The following ANKRD44 variants were observed in gnomAD, a reference collection of about 807,000 sequenced individuals.
The protein encoded by ANKRD44 is serine/threonine-protein phosphatase 6 regulatory ankyrin repeat subunit B.
ANKRD44 carries 35 observed loss-of-function variants against 116.0 expected under a neutral mutation model. The ratio of observed to expected loss-of-function variants is 0.30; its 90% CI spans 0.23 to 0.40. The LOEUF (loss-of-function observed/expected upper bound fraction) is 0.40. Among genes scored for constraint, ANKRD44 ranks in the 10% least tolerant of loss-of-function variants. ANKRD44 has a pLI of 1.00. For synonymous variants in ANKRD44, 435 were observed against 461.8 expected (o/e 0.94, Z 0.74); for missense variants, 1,014 against 1,242.6 (o/e 0.82, Z 2.77).
chr2:197,211,624 A>C (rs890602498), intron 1 of ANKRD44, among the ~76,000 whole-genome samples: 3 of 152,184 alleles, frequency 2.0e-5, no homozygotes, highest in Non-Finnish European at 4.4e-5. Context: ...CCATCTGTGA[A>C]ATCACGCTAA....
At chr2:197,008,311 T>G (rs780194403) in intron 19 of ANKRD44, among the ~76,000 whole-genome samples, 22 of 152,236 alleles carry the variant, frequency 1.4e-4, no homozygotes, top group African/African-American at 5.3e-4. Context: ...GTTGGACTTC[T>G]GCTAAAGATT....
At chr2:197,084,032 C>T (rs1559048996) in intron 13 of ANKRD44, among the ~76,000 whole-genome samples, 1 of 152,152 alleles carries the variant, frequency 6.6e-6, no homozygotes, top group Non-Finnish European at 1.5e-5. Flanking sequence ...TCCATAATTT[C>T]TAGTTAATGT....
At chr2:196,975,876 G>C (rs1415663067) in intron 21 of ANKRD44, among the ~76,000 whole-genome samples, 1 of 150,066 alleles carries the variant, frequency 6.7e-6, no homozygotes, top group Admixed American at 6.6e-5. Flanking sequence ...GAGAAAGAAA[G>C]ACACATCAAG....
At chr2:197,271,637 T>G (rs1488394284) in intron 1 of ANKRD44, among the ~76,000 whole-genome samples, 1 of 152,252 alleles carries the variant, frequency 6.6e-6, no homozygotes, top group Non-Finnish European at 1.5e-5. Flanking sequence ...TTGTTGTTTG[T>G]TGGTTGCTTT....
At position 196,995,271 on chromosome 2, in the gene ANKRD44, C is replaced by T. The variant is rs563576930; in HGVS notation, c.2831+108G>A. The T allele has an allele frequency of 2.9e-5, 19 of 659,662 alleles. No homozygotes were observed. The Middle Eastern group carries it at 1.1e-3, about 39-fold the overall frequency. 40.9% of individuals were successfully genotyped at this position (659,662 alleles called of 1,614,324 possible). On this transcript the variant is annotated intron_variant, in intron 26 of 27. Coordinates refer to ENST00000282272, the MANE Select transcript of ANKRD44 (RefSeq NM_001195144.2). ...CAGGGGAAGCCAGGACTGCATCTTT[C>T]ACCACTGTGCTCCCCAGAGCTAGTC...
At chr2:197,174,171 AT>A (rs1437232112) in intron 2 of ANKRD44, among the ~76,000 whole-genome samples, 1 of 152,178 alleles carries the variant, frequency 6.6e-6, no homozygotes, top group Non-Finnish European at 1.5e-5. Flanking sequence ...AAGTTTTTAA[AT>A]TTTTTTAATG....
chr2:197,307,551 GAAA>G (rs3060107), intron 1 of ANKRD44, among the ~76,000 whole-genome samples: 1 of 133,868 alleles, frequency 7.5e-6, no homozygotes, highest in African/African-American at 2.8e-5. Flanking sequence ...TTTTTACAGT[GAAA>G]AAAAAAAAAA....
At chr2:197,021,339 T>C (rs984409269) in intron 17 of ANKRD44, among the ~76,000 whole-genome samples, 2 of 152,218 alleles carry the variant, frequency 1.3e-5, no homozygotes, top group Non-Finnish European at 2.9e-5. Flanking sequence ...CTGGGTCAAA[T>C]GGTATTTCTA....
chr2:197,094,275 C>T (rs1240171797), intron 10 of ANKRD44, among the ~76,000 whole-genome samples: 1 of 152,200 alleles, frequency 6.6e-6, no homozygotes, highest in Non-Finnish European at 1.5e-5. Flanking sequence ...CTATCTACTT[C>T]ACCTTTGGCA....
chr2:197,033,548 C>G (rs891958650), intron 16 of ANKRD44, among the ~76,000 whole-genome samples: 11 of 152,106 alleles, frequency 7.2e-5, no homozygotes, highest in African/African-American at 2.7e-4. Context: ...AACCTAAAAC[C>G]CATGTTCTTT....
intron 16 of ANKRD44, among the ~76,000 whole-genome samples, chr2:197,049,831 G>A (rs1333645218): frequency 1.3e-5 from 2 of 152,150 alleles, no homozygotes; most frequent in Non-Finnish European, 2.9e-5. Context: ...AAGGAAGAAA[G>A]AAGATTCCTG....
chr2:197,078,356 A>G, intron 16 of ANKRD44: 1 of 337,550 alleles, frequency 3.0e-6, no homozygotes, highest in East Asian at 7.6e-5. Context: ...AGCATTTCTT[A>G]TATGGGATCT....
intron 16 of ANKRD44, among the ~76,000 whole-genome samples, chr2:197,034,020 A>G (rs980129321): frequency 7.0e-6 from 1 of 142,174 alleles, no homozygotes; most frequent in Non-Finnish European, 1.5e-5. Flanking sequence ...CTCTAGTCTC[A>G]TAAATGTCTC....
chr2:197,216,663 CA>C (rs1376325058), intron 1 of ANKRD44, among the ~76,000 whole-genome samples: 1 of 152,136 alleles, frequency 6.6e-6, no homozygotes, highest in Non-Finnish European at 1.5e-5. Flanking sequence ...CATCATTTCT[CA>C]CTTCCCCTTC....
chr2:197,007,611 T>C (rs181206703), intron 20 of ANKRD44, among the ~76,000 whole-genome samples, 195 bp downstream of exon 20: 14 of 152,338 alleles, frequency 9.2e-5, no homozygotes, highest in African/African-American at 2.6e-4. Context: ...AACCTTCCAT[T>C]ATTTTGCCTT....
intron 18 of ANKRD44, among the ~76,000 whole-genome samples, chr2:197,013,025 C>T (rs1402270048): frequency 6.6e-6 from 1 of 152,158 alleles, no homozygotes. Flanking sequence ...TTGATTTTTA[C>T]ATCGATGTGT....
chr2:197,005,690 T>A lies in ANKRD44; in HGVS notation c.2347+4A>T. ...TGGAATCAGTCAAATGATAAGCAAC[T>A]CACCATTGTAACAAGCCCAGTGCAG... On this transcript the variant is annotated splice_donor_region_variant and intron_variant, in intron 21 of 27. Transcript: ENST00000282272. 1 of 1,613,992 alleles carries A rather than the reference T, an allele frequency of 6.2e-7. No homozygotes were observed. The highest frequency in any genetic ancestry group is 8.5e-7 in the Non-Finnish European group (1 of 1,179,926).
intron 9 of ANKRD44, among the ~76,000 whole-genome samples, chr2:197,104,521 C>T (rs1446454017): frequency 1.3e-5 from 2 of 152,148 alleles, no homozygotes; most frequent in Non-Finnish European, 2.9e-5. Context: ...ATTAGCATTC[C>T]CATTAGCAGT....
At chr2:197,272,820 G>A (rs1317293021) in intron 1 of ANKRD44, among the ~76,000 whole-genome samples, 1 of 152,106 alleles carries the variant, frequency 6.6e-6, no homozygotes, top group African/African-American at 2.4e-5. Flanking sequence ...AGAACTGTGA[G>A]AAATAAATTC....
Sources: allele counts gnomAD v4.1 joint callset (sites outside exome capture counted in the v4.1 genomes callset), GRCh38; gene constraint gnomAD v4.1.1; transcripts MANE v1.5; gene names NCBI Gene and HGNC (gene_info 2026-07-23, HGNC 2026-07-21).